The following CAMK2D variants were observed in gnomAD, a reference collection of about 807,000 sequenced individuals.
CAMK2D encodes the protein calcium/calmodulin dependent protein kinase II delta, also known as calcium/calmodulin-dependent protein kinase type II subunit delta.
CAMK2D carries 37 observed loss-of-function variants against 84.0 expected under a neutral mutation model. The observed-to-expected ratio is 0.44, with a 90% CI of 0.34 to 0.58. CAMK2D has a LOEUF of 0.58. Among genes scored for constraint, CAMK2D ranks in the 20% least tolerant of loss-of-function variants. The pLI, the probability that CAMK2D is intolerant of heterozygous loss-of-function variation, is 0.02. For synonymous variants in CAMK2D, 202 were observed against 212.5 expected (o/e 0.95, Z 0.43); for missense variants, 448 against 652.5 (o/e 0.69, Z 3.41).
chr4:113,615,006 C>G (rs1200281974), intron 3 of CAMK2D, among the ~76,000 whole-genome samples: 1 of 152,102 alleles, frequency 6.6e-6, no homozygotes, highest in Non-Finnish European at 1.5e-5. Context: ...TGTTTGTCAG[C>G]TCTGAGTAAT....
Position 113,749,570 on chromosome 4 carries a change from T to C in CAMK2D, c.160+9750A>G, listed in dbSNP as rs149299179. Among the ~76,000 whole-genome samples the C allele has an allele frequency of 2.3e-3, 355 of 152,292 alleles. 1 individual carries two copies. Among genetic ancestry groups the C allele is most frequent in the African/African-American group, 7.9e-3 (327 of 41,568 alleles). ...TGTCAAAAAATAAATGAAAAAGTAATCAGATACCTCTGTAGAATGGATCAA... is the reference window on the plus strand; with the variant it reads ...TGTCAAAAAATAAATGAAAAAGTAACCAGATACCTCTGTAGAATGGATCAA... On this transcript the variant is annotated intron_variant, in intron 2 of 20. Coordinates refer to ENST00000511664, the MANE Select transcript of CAMK2D (RefSeq NM_001321571.2).
intron 2 of CAMK2D, among the ~76,000 whole-genome samples, chr4:113,751,240 A>C (rs965267802): frequency 2.0e-5 from 3 of 152,192 alleles, no homozygotes; most frequent in African/African-American, 7.2e-5. Context: ...AATAACCCTC[A>C]GCAGAAATTC....
At chr4:113,730,143 G>C (rs771331140) in intron 2 of CAMK2D, among the ~76,000 whole-genome samples, 3 of 152,178 alleles carry the variant, frequency 2.0e-5, no homozygotes, top group Non-Finnish European at 4.4e-5. Context: ...AAAACAGTAA[G>C]TGTTCAACAA....
intron 12 of CAMK2D, among the ~76,000 whole-genome samples, 164 bp from the exon 13 acceptor site, chr4:113,509,839 T>C (rs1406369114): frequency 2.0e-5 from 3 of 152,348 alleles, no homozygotes; most frequent in East Asian, 1.9e-4. Context: ...TTACAGGACA[T>C]TGAAATACAG....
intron 9 of CAMK2D, 88 bp downstream of exon 9, chr4:113,517,475 G>C (rs1177223259): frequency 5.1e-6 from 3 of 591,426 alleles, no homozygotes; most frequent in Non-Finnish European, 6.1e-6. Context: ...AAAAATTATG[G>C]TTAAAAGAAA....
At chr4:113,746,932 C>G (rs2148997872) in intron 2 of CAMK2D, among the ~76,000 whole-genome samples, 1 of 143,576 alleles carries the variant, frequency 7.0e-6, no homozygotes, top group East Asian at 2.0e-4. Context: ...GCTCTACTCC[C>G]AAAGTTCCTA....
intron 7 of CAMK2D, 119 bp from the exon 8 acceptor site, chr4:113,531,418 A>G (rs1041188669): frequency 1.5e-6 from 1 of 668,950 alleles, no homozygotes; most frequent in African/African-American, 1.8e-5. Context: ...TCAAAACACA[A>G]CAAGGTTCTC....
intron 3 of CAMK2D, among the ~76,000 whole-genome samples, chr4:113,639,547 C>T (rs1383820774): frequency 6.6e-6 from 1 of 151,940 alleles, no homozygotes; most frequent in East Asian, 1.9e-4. Context: ...CAGCCAGGCA[C>T]CTTTGTACAC....
chr4:113,506,155 T>C (rs2098125070), intron 13 of CAMK2D, among the ~76,000 whole-genome samples: 2 of 152,178 alleles, frequency 1.3e-5, no homozygotes, highest in South Asian at 4.1e-4. Flanking sequence ...GCATTTCAAG[T>C]GGTGACACCA....
chr4:113,713,383 A>G (rs1238498715), intron 2 of CAMK2D, among the ~76,000 whole-genome samples: 2 of 148,804 alleles, frequency 1.3e-5, no homozygotes, highest in Non-Finnish European at 3.0e-5. Flanking sequence ...TTCCCCAACA[A>G]TAAGTGTTAC....
At chr4:113,632,710 A>C (rs1009208693) in intron 3 of CAMK2D, among the ~76,000 whole-genome samples, 1 of 152,206 alleles carries the variant, frequency 6.6e-6, no homozygotes, top group Admixed American at 6.5e-5. Flanking sequence ...ACTATTATAC[A>C]TAATGTAGCA....
intron 16 of CAMK2D, among the ~76,000 whole-genome samples, chr4:113,467,021 G>C (rs1288509059): frequency 6.6e-6 from 1 of 152,162 alleles, no homozygotes; most frequent in Non-Finnish European, 1.5e-5. Flanking sequence ...CTCAATGTTT[G>C]TGAATTTAAT....
chr4:113,526,695 C>G (rs1272021455), intron 8 of CAMK2D, among the ~76,000 whole-genome samples: 1 of 151,984 alleles, frequency 6.6e-6, no homozygotes. Context: ...GAAATGTACT[C>G]AGACAATCCA....
At chr4:113,554,117 G>A (rs2098648474) in intron 4 of CAMK2D, among the ~76,000 whole-genome samples, 1 of 151,910 alleles carries the variant, frequency 6.6e-6, no homozygotes, top group Admixed American at 6.6e-5. Flanking sequence ...CATGTTATTT[G>A]GCCTATGAAA....
At chr4:113,543,093 A>G (rs1424748162) in intron 6 of CAMK2D, among the ~76,000 whole-genome samples, 12 of 152,222 alleles carry the variant, frequency 7.9e-5, no homozygotes, top group Admixed American at 7.9e-4. Context: ...GAACTGCAGA[A>G]ATCTTACTAC....
intron 13 of CAMK2D, among the ~76,000 whole-genome samples, chr4:113,505,373 T>C (rs1380978386): frequency 1.3e-5 from 2 of 152,228 alleles, no homozygotes; most frequent in Admixed American, 1.3e-4. Flanking sequence ...AGTTGGATTC[T>C]GTTTCCAAGC....
intron 16 of CAMK2D, among the ~76,000 whole-genome samples, chr4:113,492,195 G>C (rs2097854118): frequency 6.6e-6 from 1 of 151,954 alleles, no homozygotes; most frequent in African/African-American, 2.4e-5. Context: ...TTTTGAATGT[G>C]TTTGCTCTTG....
intron 16 of CAMK2D, among the ~76,000 whole-genome samples, chr4:113,468,470 C>CCT (rs1369065773): frequency 6.6e-6 from 1 of 152,126 alleles, no homozygotes; most frequent in Admixed American, 6.5e-5. Context: ...TTGAGTGAGT[C>CCT]ACAGGCGGCA....
Position 113,455,783 on chromosome 4 carries a change from C to T in CAMK2D, c.1574G>A (p.Gly525Glu). 1.9e-6 allele frequency: 3 copies of T among 1,612,456 alleles called. No individual in the cohort carries two copies. The highest frequency in any genetic ancestry group is 2.5e-6 in the Non-Finnish European group (3 of 1,178,784). ...CIPNGKENFS[G>E]GTSLWQNI ...GATGTTTTGCCACAAAGAGGTGCCTCCTGAGAAGTTTTCTTTCCCATTTGG... is the reference window on the plus strand; with the variant it reads ...GATGTTTTGCCACAAAGAGGTGCCTTCTGAGAAGTTTTCTTTCCCATTTGG... Residue 525 changes from glycine (G) to glutamate (E), a missense_variant, in exon 20 of 21, where the codon GGA (glycine) becomes GAA (glutamate). Physicochemically the swap from Gly to Glu is moderately conservative, Grantham distance 98 (BLOSUM62 -2). Coordinates refer to ENST00000511664, the MANE Select transcript of CAMK2D (RefSeq NM_001321571.2).
Sources: gnomAD v4.1 joint callset for allele counts (sites outside exome capture counted in the v4.1 genomes callset) on GRCh38, gnomAD v4.1.1 for gene constraint, MANE v1.5 for transcripts, NCBI Gene and HGNC (gene_info 2026-07-23, HGNC 2026-07-21) for gene names.